Variants in ZSCAN16 observed in about 807,000 individuals in gnomAD.
ZSCAN16 encodes the protein zinc finger and SCAN domain-containing protein 16.
A neutral mutation model predicts 19.4 loss-of-function variants in ZSCAN16; 15 were observed. The ratio of observed to expected loss-of-function variants is 0.77; its 90% confidence interval spans 0.52 to 1.19. The LOEUF (loss-of-function observed/expected upper bound fraction) is 1.19, where lower values mean the gene tolerates loss of function less well. Among genes scored for constraint, ZSCAN16 ranks in the 50% most tolerant of loss-of-function variants. The pLI is 0.00. For missense variants in ZSCAN16, 327 were observed against 415.7 expected, an observed-to-expected ratio of 0.79 and a Z score of 1.86; for synonymous variants, 138 against 146.5, an observed-to-expected ratio of 0.94 and a Z score of 0.42.
rs781087677 is a variant in ZSCAN16 at position 28,129,628 on chromosome 6, G to C, written c.725G>C (p.Gly242Ala). ...AGACGATATAAATGTGATGAATGTG[G>C]GAAAAGTTTCAGTCATAGCTCAGAC... is the stretch of plus-strand genomic sequence containing the variant. Reference protein sequence around the residue: ...ERRRYKCDECGKSFSHSSDLS... With the variant: ...ERRRYKCDECAKSFSHSSDLS... Residue 242 changes from glycine (G) to alanine (A), a missense_variant, in exon 4 of 4, where the codon GGG (glycine) becomes GCG (alanine). Physicochemically the swap from Gly to Ala is moderately conservative, Grantham distance 60. Coordinates refer to ENST00000340487, the MANE Select transcript of ZSCAN16 (RefSeq NM_025231.3). 5.0e-6 allele frequency: 8 copies of C among 1,614,042 alleles called. No individual in the cohort carries two copies. The highest frequency in any genetic ancestry group is 4.5e-5 in the East Asian group (2 of 44,896).
chr6:28,129,338 C>A, intron 3 of ZSCAN16, 92 bp from the exon 4 acceptor site: 1 of 1,446,044 alleles, frequency 6.9e-7, no homozygotes, highest in Non-Finnish European at 9.3e-7. Flanking sequence ...TTTTATAACA[C>A]ATTTATAACA....
chr6:28,127,696 A>G (rs1764945690), intron 3 of ZSCAN16, among the ~76,000 whole-genome samples: 1 of 152,328 alleles, frequency 6.6e-6, no homozygotes, highest in Non-Finnish European at 1.5e-5. Flanking sequence ...CTGCATGTCA[A>G]ATTAATTGGG....
In ZSCAN16 at chr6:28,125,505, A is replaced by G; in HGVS notation, c.62A>G (p.His21Arg). The change falls in exon 2 of 4, where the codon CAT (histidine) becomes CGT (arginine). Residue 21 changes from histidine (H) to arginine (R), a missense_variant. Physicochemically the swap from His to Arg is conservative, Grantham distance 29. Coordinates refer to ENST00000340487, the MANE Select transcript of ZSCAN16 (RefSeq NM_025231.3). This position sits in a 1 kb window ranked among gnomAD's most constrained non-coding sequence, Gnocchi z 6.2. Reference protein sequence around the residue: ...KGLLIIKAEDHYWGQDSSSQK... With the variant: ...KGLLIIKAEDRYWGQDSSSQK... ...CTTCTGATAATTAAGGCAGAGGACCATTACTGGGGACAGGATTCCAGCTCA... is the reference window on the plus strand; with the variant it reads ...CTTCTGATAATTAAGGCAGAGGACCGTTACTGGGGACAGGATTCCAGCTCA... The G allele has an allele frequency of 6.2e-7, 1 of 1,614,230 alleles. No homozygotes were observed. Among genetic ancestry groups the G allele is most frequent in the Non-Finnish European group, 8.5e-7 (1 of 1,180,032 alleles).
chr6:28,125,715 G>A lies in ZSCAN16; in HGVS notation c.272G>A (p.Ser91Asn), dbSNP rs770551925. The change falls in exon 2 of 4, where the codon AGC becomes AAC. Residue 91 changes from serine to asparagine, a missense_variant. Ser to Asn is a conservative substitution (Grantham distance 46, BLOSUM62 1). Coordinates refer to ENST00000340487, the MANE Select transcript of ZSCAN16 (RefSeq NM_025231.3). The surrounding 1 kb of genome is among the most constrained non-coding windows in gnomAD (Gnocchi z 6.2). ...CTGCTGGTGCTAGAACAGTTCCTGA[G>A]CATTCTTCCTAAAGACCTGCAAGCA... is the stretch of plus-strand genomic sequence containing the variant. The part of the protein sequence containing the change: ...LDLLVLEQFL[S>N]ILPKDLQAWV... 1.1e-5 allele frequency: 17 copies of A among 1,614,124 alleles called. No individual in the cohort carries two copies. Among genetic ancestry groups the A allele is most frequent in the Non-Finnish European group, 1.4e-5 (17 of 1,180,048 alleles).
At chr6:28,127,904 A>G (rs924376662) in intron 3 of ZSCAN16, among the ~76,000 whole-genome samples, 2 of 152,186 alleles carry the variant, frequency 1.3e-5, no homozygotes, top group African/African-American at 4.8e-5. Flanking sequence ...CCTATTTTGT[A>G]TTCTTACTAC....
Position 28,125,682 on chromosome 6 carries a change from T to C in ZSCAN16, c.239T>C (p.Ile80Thr), listed in dbSNP as rs1269481969. ...LRPECHTKEQILDLLVLEQFL... is the reference protein window; with the variant it reads ...LRPECHTKEQTLDLLVLEQFL... The stretch of plus-strand genomic sequence containing the variant: ...CCAGAATGCCACACCAAGGAGCAGA[T>C]TTTAGACCTGCTGGTGCTAGAACAG... The change falls in exon 2 of 4, where the codon ATT becomes ACT. Residue 80 changes from isoleucine to threonine, a missense_variant. Transcript: ENST00000340487. This position sits in a 1 kb window ranked among gnomAD's most constrained non-coding sequence, Gnocchi z 6.2. 2 of 1,614,064 alleles carry C rather than the reference T, an allele frequency of 1.2e-6. No individual in the cohort carries two copies. The highest frequency in any genetic ancestry group is 1.3e-5 in the African/African-American group (1 of 74,930).
intron 3 of ZSCAN16, among the ~76,000 whole-genome samples, chr6:28,127,543 T>A (rs1040945710): frequency 7.9e-5 from 12 of 152,208 alleles, no homozygotes; most frequent in Admixed American, 7.9e-4. Flanking sequence ...TATCGTCATA[T>A]ACAGTAATGT....
chr6:28,125,413 A>G lies in ZSCAN16; in HGVS notation c.-31A>G. On this transcript the variant is annotated splice_region_variant and 5_prime_UTR_variant, in exon 2 of 4. Transcript: ENST00000340487. The surrounding 1 kb of genome is among the most constrained non-coding windows in gnomAD (Gnocchi z 6.2). ...GAGATTCTCTTTGACTCAATCCCAG[A>G]TAGAGGATAAATCTCCTGGCAAAGC... 1 of 1,590,874 alleles carries G rather than the reference A, an allele frequency of 6.3e-7. No homozygotes were observed. Among genetic ancestry groups the G allele is most frequent in the Non-Finnish European group, 8.6e-7 (1 of 1,169,456 alleles).
At position 28,125,952 on chromosome 6, in the gene ZSCAN16, C is replaced by T. The variant is rs1764892305; in HGVS notation, c.387+122C>T. On this transcript the variant is annotated intron_variant, in intron 2 of 3. Coordinates refer to ENST00000340487, the MANE Select transcript of ZSCAN16 (RefSeq NM_025231.3). The surrounding 1 kb of genome is among the most constrained non-coding windows in gnomAD (Gnocchi z 6.2). ...CTAAAGAACAAGGCATAGGAAGGGA[C>T]CTGACTACCTATGTCAAATAATTAA... 2 of 731,798 alleles carry T rather than the reference C, an allele frequency of 2.7e-6. No individual in the cohort carries two copies. The highest frequency in any genetic ancestry group is 1.8e-5 in the African/African-American group (1 of 56,058). The allele number at this position is 731,798 out of a possible 1,614,324, so 45.3% of individuals were successfully genotyped here.
chr6:28,127,345 T>C (rs928899525), intron 3 of ZSCAN16, among the ~76,000 whole-genome samples: 6 of 139,776 alleles, frequency 4.3e-5, no homozygotes. Flanking sequence ...AAGATGAATA[T>C]GCTTACAGGG....
At position 28,129,884 on chromosome 6, in the gene ZSCAN16, G is replaced by A; in HGVS notation, c.981G>A (p.Arg327=). 6.2e-7 allele frequency: 1 copy of A among 1,612,812 alleles called. No homozygotes were observed. Among genetic ancestry groups the A allele is most frequent in the Non-Finnish European group, 8.5e-7 (1 of 1,179,604 alleles). The change falls in exon 4 of 4, where the codon AGG becomes AGA. Residue 327 remains arginine (R), a synonymous_variant. Transcript: ENST00000340487. The part of the protein sequence containing the change: ...EKPYECDECG[R]PFRVSSALIR... ...CCTATGAATGTGATGAGTGTGGAAG[G>A]CCTTTCCGAGTAAGTTCAGCTCTTA...
Position 28,125,861 on chromosome 6 carries a change from G to A in ZSCAN16, c.387+31G>A. On this transcript the variant is annotated intron_variant, in intron 2 of 3. Transcript: ENST00000340487. This position sits in a 1 kb window ranked among gnomAD's most constrained non-coding sequence, Gnocchi z 6.2. ...AAGGGGCAGTCATCTGGCTGTGAGT[G>A]ATCAGGGGATATGGATGGAGCCAAA... is the stretch of plus-strand genomic sequence containing the variant. The A allele has an allele frequency of 6.6e-7, 1 of 1,520,232 alleles. No individual in the cohort carries two copies. Among genetic ancestry groups the A allele is most frequent in the Non-Finnish European group, 8.9e-7 (1 of 1,119,110 alleles). 94.2% of individuals were successfully genotyped at this position (1,520,232 alleles called of 1,614,324 possible).
chr6:28,128,818 A>G (rs1581506417), intron 3 of ZSCAN16, among the ~76,000 whole-genome samples: 1 of 152,118 alleles, frequency 6.6e-6, no homozygotes, highest in South Asian at 2.1e-4. Flanking sequence ...TACACTGACT[A>G]TCCATTGTCA....
In ZSCAN16 at chr6:28,125,826, A is replaced by G. The variant is rs1188161811; in HGVS notation, c.383A>G (p.Lys128Arg). ...DLERELDEPGKQVPGNSERRD... is the reference protein window; with the variant it reads ...DLERELDEPGRQVPGNSERRD... ...GAGAGAGAGCTTGATGAACCTGGAA[A>G]GCAGGTGTGAAGGGGCAGTCATCTG... is the stretch of plus-strand genomic sequence containing the variant. Residue 128 changes from lysine (K) to arginine (R), a missense_variant, in exon 2 of 4, where the codon AAG (lysine) becomes AGG (arginine). Lys to Arg is a conservative substitution (Grantham distance 26). Coordinates refer to ENST00000340487, the MANE Select transcript of ZSCAN16 (RefSeq NM_025231.3). The surrounding 1 kb of genome is among the most constrained non-coding windows in gnomAD (Gnocchi z 6.2). 3.1e-6 allele frequency: 5 copies of G among 1,597,536 alleles called. No individual in the cohort carries two copies. Among genetic ancestry groups the G allele is most frequent in the Non-Finnish European group, 4.3e-6 (5 of 1,171,402 alleles).
chr6:28,128,188 C>T (rs1423247429), intron 3 of ZSCAN16, among the ~76,000 whole-genome samples: 1 of 151,580 alleles, frequency 6.6e-6, no homozygotes, highest in Non-Finnish European at 1.5e-5. Flanking sequence ...CTATGTTTCC[C>T]AGGCTTGTCT....
At position 28,129,786 on chromosome 6, in the gene ZSCAN16, A is replaced by G. The variant is rs777107874; in HGVS notation, c.883A>G (p.Lys295Glu). 1.2e-6 allele frequency: 2 copies of G among 1,614,042 alleles called. No individual in the cohort carries two copies. The highest frequency in any genetic ancestry group is 1.6e-4 in the Middle Eastern group (1 of 6,078). ...CACGGGAGTAAAACCCTATAAATGT[A>G]AAGAATGTGGGAAAGACTTCAGTGG... Reference protein sequence around the residue: ...VHTGVKPYKCKECGKDFSGRT... With the variant: ...VHTGVKPYKCEECGKDFSGRT... The change falls in exon 4 of 4, where the codon AAA becomes GAA. Residue 295 changes from lysine to glutamate, a missense_variant. Lys to Glu is a moderately conservative substitution (Grantham distance 56). Transcript: ENST00000340487.
chr6:28,126,473 T>C (rs1007211577), intron 2 of ZSCAN16, among the ~76,000 whole-genome samples: 5 of 152,204 alleles, frequency 3.3e-5, no homozygotes, highest in Non-Finnish European at 5.9e-5. Context: ...TCGGATAGCA[T>C]GGTTATAGAA....
Position 28,130,045 on chromosome 6 carries a change from A to G in ZSCAN16, c.*95A>G, listed in dbSNP as rs1765019155. On this transcript the variant is annotated 3_prime_UTR_variant, in exon 4 of 4. Transcript: ENST00000340487. ...ACCTTGAGTTTCCTCAATGTGGTCAAAGCTTCAGTCATCATTAAACTTCTC... is the reference window on the plus strand; with the variant it reads ...ACCTTGAGTTTCCTCAATGTGGTCAGAGCTTCAGTCATCATTAAACTTCTC... 3.0e-6 allele frequency: 3 copies of G among 1,002,212 alleles called. No homozygotes were observed. Among genetic ancestry groups the G allele is most frequent in the Non-Finnish European group, 2.9e-6 (2 of 695,404 alleles). The allele number at this position is 1,002,212 out of a possible 1,614,324, so 62.1% of individuals were successfully genotyped here. A position where few individuals can be genotyped will look rare whatever the true frequency, so the allele number is the denominator to read the frequency against.
rs1581502070 is a variant in ZSCAN16 at position 28,125,348 on chromosome 6, CTT to C, written c.-31-61_-31-60del. ...TTTTGTAATTTCTCTATGGTAACAACTTTTTATGCCTTAGGAGTGTCTCTGAG... is the reference window on the plus strand; with the variant it reads ...TTTTGTAATTTCTCTATGGTAACAACTTTATGCCTTAGGAGTGTCTCTGAG... On this transcript the variant is annotated intron_variant, in intron 1 of 3. Transcript: ENST00000340487. This position sits in a 1 kb window ranked among gnomAD's most constrained non-coding sequence, Gnocchi z 6.2. The C allele has an allele frequency of 6.6e-7, 1 of 1,503,822 alleles. No homozygotes were observed. The highest frequency in any genetic ancestry group is 2.3e-5 in the East Asian group (1 of 43,850). 93.2% of individuals were successfully genotyped at this position (1,503,822 alleles called of 1,614,324 possible).
Sources: allele counts gnomAD v4.1 joint callset (sites outside exome capture counted in the v4.1 genomes callset), GRCh38; gene constraint gnomAD v4.1.1; non-coding constraint Gnocchi (gnomAD v3.1); transcripts MANE v1.5; gene names NCBI Gene and HGNC (gene_info 2026-07-23, HGNC 2026-07-21).